The following NEGR1 variants were observed in gnomAD, a reference collection of about 807,000 sequenced individuals.
NEGR1 encodes neuronal growth regulator 1.
In NEGR1, 10 loss-of-function variants were observed where a neutral mutation model predicts 40.9. The observed-to-expected ratio is 0.24, with a 90% CI of 0.15 to 0.42. NEGR1 has a LOEUF of 0.42. Ranked by LOEUF, NEGR1 falls within the 10% of genes least tolerant of loss-of-function variation. The pLI is 1.00. For synonymous variants in NEGR1, 185 were observed against 166.8 expected (o/e 1.11, Z -0.84); for missense variants, 352 against 438.9 (o/e 0.80, Z 1.77).
At chr1:72,179,520 T>C (rs1367558071) in intron 1 of NEGR1, among the ~76,000 whole-genome samples, 1 of 152,132 alleles carries the variant, frequency 6.6e-6, no homozygotes, top group East Asian at 1.9e-4. Context: ...CCTAGCACAC[T>C]GTATGTGTCC....
At chr1:72,043,190 T>G (rs1333766964) in intron 1 of NEGR1, among the ~76,000 whole-genome samples, 2 of 151,960 alleles carry the variant, frequency 1.3e-5, no homozygotes, top group South Asian at 2.1e-4. Context: ...CTTTCCTGAG[T>G]TCACACCTGA....
intron 6 of NEGR1, among the ~76,000 whole-genome samples, chr1:71,499,996 A>G (rs970740120): frequency 1.3e-5 from 2 of 152,132 alleles, no homozygotes; most frequent in African/African-American, 4.8e-5. Context: ...TTAAAATTCA[A>G]TTTTAGAAAC....
At chr1:72,027,562 TA>T (rs1470903215) in intron 1 of NEGR1, among the ~76,000 whole-genome samples, 2 of 151,974 alleles carry the variant, frequency 1.3e-5, no homozygotes, top group African/African-American at 4.8e-5. Flanking sequence ...AAAAATAATA[TA>T]TAAAAAATAT....
chr1:72,078,283 T>A (rs890487524), intron 1 of NEGR1, among the ~76,000 whole-genome samples: 1 of 152,260 alleles, frequency 6.6e-6, no homozygotes, highest in East Asian at 1.9e-4. Flanking sequence ...CACCGTAATA[T>A]CTCAGTGAGT....
chr1:71,525,017 A>G (rs3843260), intron 6 of NEGR1, among the ~76,000 whole-genome samples: 41,654 of 151,582 alleles, frequency 0.27, 6,608 homozygotes, highest in East Asian at 0.61. Flanking sequence ...CCCATTTTGG[A>G]CTTCTGACCT....
At chr1:71,921,963 A>G (rs985757661) in intron 2 of NEGR1, among the ~76,000 whole-genome samples, 1 of 151,994 alleles carries the variant, frequency 6.6e-6, no homozygotes, top group East Asian at 1.9e-4. Context: ...ATGGTCTAAT[A>G]CAGAGAAGTT....
intron 1 of NEGR1, among the ~76,000 whole-genome samples, chr1:71,968,220 G>T (rs1414277852): frequency 6.6e-6 from 1 of 152,102 alleles, no homozygotes; most frequent in South Asian, 2.1e-4. Flanking sequence ...GACACTGAAA[G>T]GATCCACTCA....
In NEGR1 at chr1:72,206,919, C is replaced by T. The variant is rs182734530; in HGVS notation, c.176+75400G>A. 3.5e-3 allele frequency among the ~76,000 whole-genome samples: 536 copies of T among 151,230 alleles called. 1 individual carries two copies. The highest frequency in any genetic ancestry group is 5.8e-3 in the Non-Finnish European group (395 of 67,690). ...TGCAGTGGTATGAAAAGTAAGAGAA[C>T]CAGTAGAATTAATCACAAAGACTAA... On this transcript the variant is annotated intron_variant, in intron 1 of 6. Coordinates refer to ENST00000357731, the MANE Select transcript of NEGR1 (RefSeq NM_173808.3).
intron 1 of NEGR1, among the ~76,000 whole-genome samples, chr1:72,138,056 G>GA (rs374034451): frequency 1.3e-5 from 2 of 151,468 alleles, no homozygotes; most frequent in African/African-American, 4.9e-5. Context: ...AAGATATGCT[G>GA]AAAAAAAAGT....
At chr1:71,932,130 G>A (rs917487956) in intron 2 of NEGR1, among the ~76,000 whole-genome samples, 5 of 152,100 alleles carry the variant, frequency 3.3e-5, no homozygotes, top group African/African-American at 1.2e-4. Flanking sequence ...AAAGAGAAAT[G>A]AAATGTACTT....
At chr1:72,030,570 C>T (rs1020984058) in intron 1 of NEGR1, among the ~76,000 whole-genome samples, 2 of 151,972 alleles carry the variant, frequency 1.3e-5, no homozygotes, top group Non-Finnish European at 2.9e-5. Context: ...ATAAAGTAAT[C>T]CTATCAACTG....
At chr1:71,674,823 A>C (rs2101603605) in intron 4 of NEGR1, among the ~76,000 whole-genome samples, 1 of 151,968 alleles carries the variant, frequency 6.6e-6, no homozygotes, top group Admixed American at 6.6e-5. Context: ...TTTCTGTATC[A>C]CTTTTTATCT....
At chr1:72,107,038 C>G (rs72680898) in intron 1 of NEGR1, among the ~76,000 whole-genome samples, 2,135 of 151,606 alleles carry the variant, frequency 0.014, 22 homozygotes, top group Middle Eastern at 0.034. Flanking sequence ...GAAAATTTCC[C>G]TTGTTATTAG....
chr1:71,830,930 A>T (rs1658818853), intron 2 of NEGR1, among the ~76,000 whole-genome samples: 1 of 151,702 alleles, frequency 6.6e-6, no homozygotes, highest in Admixed American at 6.6e-5. Context: ...TTAAGATCAC[A>T]CCATAGTTGT....
intron 1 of NEGR1, among the ~76,000 whole-genome samples, chr1:72,032,034 C>T (rs1324932936): frequency 2.6e-5 from 4 of 152,190 alleles, no homozygotes; most frequent in Non-Finnish European, 5.9e-5. Context: ...CTTACCCAAA[C>T]TCACAGAGCT....
At chr1:71,841,490 C>T (rs967987548) in intron 2 of NEGR1, among the ~76,000 whole-genome samples, 2 of 152,038 alleles carry the variant, frequency 1.3e-5, no homozygotes, top group South Asian at 2.1e-4. Flanking sequence ...ATTATCTAGT[C>T]GCAATTGTCT....
chr1:71,879,187 C>T (rs748397540), intron 2 of NEGR1, among the ~76,000 whole-genome samples: 1 of 150,730 alleles, frequency 6.6e-6, no homozygotes, highest in African/African-American at 2.4e-5. Flanking sequence ...TATCTATTTG[C>T]CATCAAAAAA....
chr1:71,474,717 C>CAAAAAA (rs56219737), intron 6 of NEGR1, among the ~76,000 whole-genome samples: 219 of 85,492 alleles, frequency 2.6e-3, no homozygotes, highest in East Asian at 3.2e-3. Flanking sequence ...GACTCTATCT[C>CAAAAAA]AAAAAAAAAA....
chr1:71,855,533 A>C (rs558767135), intron 2 of NEGR1, among the ~76,000 whole-genome samples: 1 of 152,202 alleles, frequency 6.6e-6, no homozygotes, highest in South Asian at 2.1e-4. Flanking sequence ...AGATGTTGAA[A>C]AATTAATTGA....
Sources: allele counts gnomAD v4.1 joint callset (sites outside exome capture counted in the v4.1 genomes callset), GRCh38; gene constraint gnomAD v4.1.1; transcripts MANE v1.5; gene names NCBI Gene and HGNC (gene_info 2026-07-23, HGNC 2026-07-21).